The following RASA2 variants were observed in gnomAD, a reference collection of about 807,000 sequenced individuals.
RASA2 encodes RAS p21 protein activator 2.
A neutral mutation model predicts 118.2 loss-of-function variants in RASA2; 155 were observed. The ratio of observed to expected loss-of-function variants is 1.31; its 90% CI spans 1.15 to 1.50. The LOEUF is 1.50. RASA2 is among the 40% of genes most tolerant of loss of function. The pLI, the probability that RASA2 is intolerant of heterozygous loss-of-function variation, is 0.00. For missense variants in RASA2, 1,016 were observed against 1,009.6 expected (o/e 1.01, Z -0.09); for synonymous variants, 353 against 349.1 (o/e 1.01, Z -0.12).
At chr3:141,513,524 ATGTCT>A (rs1283696805) in intron 2 of RASA2, among the ~76,000 whole-genome samples, 5 of 152,188 alleles carry the variant, frequency 3.3e-5, no homozygotes, top group African/African-American at 7.2e-5. Flanking sequence ...ATACCTACAC[ATGTCT>A]TGTCTTTCAT....
At chr3:141,528,184 T>C (rs1202796946) in intron 3 of RASA2, among the ~76,000 whole-genome samples, 1 of 151,932 alleles carries the variant, frequency 6.6e-6, no homozygotes, top group Non-Finnish European at 1.5e-5. Flanking sequence ...AGTTACAAAC[T>C]CTTTAATAAA....
chr3:141,540,436 C>A, intron 4 of RASA2, 97 bp from the exon 5 acceptor site: 3 of 896,214 alleles, frequency 3.3e-6, no homozygotes, highest in South Asian at 1.6e-5. Flanking sequence ...TGCTAGTGGT[C>A]AGTGGATAAA....
intron 15 of RASA2, among the ~76,000 whole-genome samples, chr3:141,580,116 A>G (rs1159578640): frequency 1.0e-4 from 13 of 127,530 alleles, no homozygotes; most frequent in African/African-American, 3.7e-4. Context: ...ATATATATAT[A>G]TGACTTTTAA....
intron 1 of RASA2, among the ~76,000 whole-genome samples, chr3:141,503,083 C>G (rs575339880): frequency 5.5e-4 from 83 of 152,162 alleles, no homozygotes; most frequent in Admixed American, 1.9e-3. Flanking sequence ...GGTTGTCGTA[C>G]CGATCAAATG....
chr3:141,555,851 AG>A lies in RASA2; in HGVS notation c.624del (p.Lys209ArgfsTer4), dbSNP rs1368641263. On this transcript the variant is annotated frameshift_variant, in exon 7 of 24. Coordinates refer to ENST00000286364, the MANE Select transcript of RASA2 (RefSeq NM_006506.5). LOFTEE classifies it high-confidence loss of function. ...CCACATTGGAACAGGAATGACCAAAAGAAGACAAAAGTAAAGAAGAAAACAA... is the reference window on the plus strand; with the variant it reads ...CCACATTGGAACAGGAATGACCAAAAAAGACAAAAGTAAAGAAGAAAACAA... ...SLVGPSRNDQ[K>X]KTKVKKKTSN... is the part of the protein sequence containing the mutation. The A allele has an allele frequency of 6.2e-7, 1 of 1,612,202 alleles. No individual in the cohort carries two copies. Among genetic ancestry groups the A allele is most frequent in the African/African-American group, 1.3e-5 (1 of 74,818 alleles).
At chr3:141,608,225 TC>T (rs1367674997) in intron 20 of RASA2, among the ~76,000 whole-genome samples, 1 of 152,182 alleles carries the variant, frequency 6.6e-6, no homozygotes, top group African/African-American at 2.4e-5. Flanking sequence ...AACAATTCCC[TC>T]CCTTTATTCT....
intron 1 of RASA2, among the ~76,000 whole-genome samples, chr3:141,495,108 A>AT (rs1559987603): frequency 3.3e-5 from 5 of 152,268 alleles, no homozygotes; most frequent in African/African-American, 1.2e-4. Flanking sequence ...GGAAATGTGT[A>AT]TAACACTGAA....
intron 8 of RASA2, 82 bp downstream of exon 8, chr3:141,559,044 CT>C: frequency 8.5e-7 from 1 of 1,175,986 alleles, no homozygotes; most frequent in Non-Finnish European, 1.2e-6. Context: ...AGTAAACCAA[CT>C]TTAATAGAAT....
chr3:141,605,151 G>A (rs1201523142), intron 19 of RASA2, among the ~76,000 whole-genome samples: 1 of 151,960 alleles, frequency 6.6e-6, no homozygotes, highest in African/African-American at 2.4e-5. Context: ...TAGTATTTAG[G>A]AGGTTTTCTT....
In RASA2 at chr3:141,615,022, C is replaced by T. The variant is rs1280779441; in HGVS notation, c.*2709C>T. Reference sequence around the variant, plus strand: ...CGGTACATCCTGTAAAGACAGAATTCTGCATAGCCTTTTAGGTGTTTTTAC... The same window carrying T: ...CGGTACATCCTGTAAAGACAGAATTTTGCATAGCCTTTTAGGTGTTTTTAC... On this transcript the variant is annotated 3_prime_UTR_variant, in exon 24 of 24. Coordinates refer to ENST00000286364, the MANE Select transcript of RASA2 (RefSeq NM_006506.5). 6.6e-6 allele frequency: 1 copy of T among 152,278 alleles called. No individual in the cohort carries two copies. The highest frequency in any genetic ancestry group is 1.5e-5 in the Non-Finnish European group (1 of 68,006). The allele number at this position is 152,278 out of a possible 1,614,324, so 9.4% of individuals were successfully genotyped here.
rs2151094288 is a variant in RASA2 at position 141,529,809 on chromosome 3, A to G, written c.450+7A>G. 7 of 1,572,846 alleles carry G rather than the reference A, an allele frequency of 4.5e-6. No individual in the cohort carries two copies. Among genetic ancestry groups the G allele is most frequent in the East Asian group, 2.2e-5 (1 of 44,558 alleles). The stretch of plus-strand genomic sequence containing the variant: ...CTCCAATTCAGAGGTTCAGGTAAAT[A>G]TTAAGGCTTATGTAATACAAGAGAT... On this transcript the variant is annotated splice_region_variant and intron_variant, in intron 4 of 23. Coordinates refer to ENST00000286364, the MANE Select transcript of RASA2 (RefSeq NM_006506.5).
intron 5 of RASA2, among the ~76,000 whole-genome samples, chr3:141,550,946 C>T (rs997114387): frequency 2.0e-5 from 3 of 152,188 alleles, no homozygotes; most frequent in African/African-American, 7.2e-5. Context: ...TTTTTCATCT[C>T]TAGATTTTTC....
intron 6 of RASA2, 116 bp downstream of exon 6, chr3:141,554,056 A>G: frequency 7.1e-7 from 1 of 1,414,398 alleles, no homozygotes; most frequent in Non-Finnish European, 9.2e-7. Flanking sequence ...ACAGTAATAA[A>G]TGCTTTGAAA....
chr3:141,610,361 ATTATATATTTATAT>A (rs1173012419), intron 23 of RASA2, among the ~76,000 whole-genome samples: 2 of 121,488 alleles, frequency 1.6e-5, no homozygotes, highest in Admixed American at 1.0e-4. Context: ...ATATTTATAT[ATTATATATTTATAT>A]TTATATATTA....
chr3:141,609,242 T>G (rs1046775562), intron 21 of RASA2, among the ~76,000 whole-genome samples, 178 bp from the exon 22 acceptor site: 2 of 152,228 alleles, frequency 1.3e-5, no homozygotes, highest in African/African-American at 4.8e-5. Flanking sequence ...TAGAGTCACA[T>G]AACAACCAAA....
At chr3:141,527,673 C>CT (rs761591919) in intron 3 of RASA2, among the ~76,000 whole-genome samples, 2 of 151,908 alleles carry the variant, frequency 1.3e-5, no homozygotes, top group Non-Finnish European at 2.9e-5. Flanking sequence ...TAAGCCATTC[C>CT]TGGTAATATA....
chr3:141,489,268 C>T (rs560415685), intron 1 of RASA2, among the ~76,000 whole-genome samples: 2 of 152,276 alleles, frequency 1.3e-5, no homozygotes, highest in South Asian at 2.1e-4. Context: ...TACAGAAGCT[C>T]TCTTCCCATT....
Position 141,487,091 on chromosome 3 carries a change from C to T in RASA2, c.8C>T (p.Ala3Val). MA[A>V]AAPAAAAASS... ...CACGGGCCGGGCGGCACCATGGCGG[C>T]GGCGGCGCCTGCTGCTGCGGCGGCT... The change falls in exon 1 of 24, where the codon GCG becomes GTG. Residue 3 changes from alanine to valine, a missense_variant. Ala to Val is a moderately conservative substitution (Grantham distance 64). Around this residue, in one of 2 missense-constraint regions of RASA2, gnomAD observed 896 missense variants for 836.4 expected, o/e 1.07. Transcript: ENST00000286364. 2 of 1,368,938 alleles carry T rather than the reference C, an allele frequency of 1.5e-6. No homozygotes were observed. The highest frequency in any genetic ancestry group is 9.5e-7 in the Non-Finnish European group (1 of 1,047,812). The allele number at this position is 1,368,938 out of a possible 1,614,324, so 84.8% of individuals were successfully genotyped here.
chr3:141,557,720 A>G (rs1482761448), intron 7 of RASA2, among the ~76,000 whole-genome samples: 1 of 152,056 alleles, frequency 6.6e-6, no homozygotes, highest in Non-Finnish European at 1.5e-5. Flanking sequence ...AAAAATGGGG[A>G]GGGGATGGGG....
Sources: gnomAD v4.1 joint callset for allele counts (sites outside exome capture counted in the v4.1 genomes callset) on GRCh38, gnomAD v4.1.1 for gene constraint, gnomAD v4.1.1 regional missense constraint, MANE v1.5 for transcripts, NCBI Gene and HGNC (gene_info 2026-07-23, HGNC 2026-07-21) for gene names.